The following KIAA0825 variants were observed in gnomAD, a reference collection of about 807,000 sequenced individuals.
KIAA0825 encodes the protein uncharacterized protein KIAA0825.
A neutral mutation model predicts 147.6 loss-of-function variants in KIAA0825; 119 were observed. That is an observed-to-expected ratio of 0.81 (90% confidence interval 0.69 to 0.94). The LOEUF is 0.94. Among genes scored for constraint, KIAA0825 ranks in the 40% least tolerant of loss-of-function variants. The pLI is 0.00. For missense variants in KIAA0825, 1,381 were observed against 1,472.7 expected, an observed-to-expected ratio of 0.94 and a Z score of 1.02; for synonymous variants, 470 against 518.1, an observed-to-expected ratio of 0.91 and a Z score of 1.26.
intron 1 of KIAA0825, among the ~76,000 whole-genome samples, chr5:94,614,899 C>A (rs1261933873): frequency 6.6e-6 from 1 of 151,996 alleles, no homozygotes; most frequent in Admixed American, 6.6e-5. Flanking sequence ...CAAGACTGAG[C>A]AAGAAAAAGA....
rs1235308346 is a variant in KIAA0825 at position 94,386,314 on chromosome 5, C to T, written c.3547G>A (p.Glu1183Lys). 2 of 1,551,578 alleles carry T rather than the reference C, an allele frequency of 1.3e-6. No individual in the cohort carries two copies. The highest frequency in any genetic ancestry group is 3.9e-5 in the Admixed American group (2 of 50,994). Reference protein sequence around the residue: ...RPLKTTLRSIEDQPSAFNPFH... With the variant: ...RPLKTTLRSIKDQPSAFNPFH... ...GGGTTAAAGGCAGAAGGCTGATCTT[C>T]TATACTCCTCAAGGTCGTCTTTAAA... Residue 1183 changes from glutamate to lysine, a missense_variant, in exon 19 of 21, where the codon GAA becomes AAA. By Grantham distance (56) the Glu-to-Lys change is moderately conservative. Transcript: ENST00000682413.
intron 14 of KIAA0825, among the ~76,000 whole-genome samples, chr5:94,420,225 C>A (rs75490335): frequency 0.1 from 15,354 of 151,940 alleles, 1,115 homozygotes; most frequent in African/African-American, 0.21. Context: ...TACAGCCCTG[C>A]AAATCATGCA....
At chr5:94,563,016 C>T (rs1777825532) in intron 2 of KIAA0825, among the ~76,000 whole-genome samples, 1 of 152,010 alleles carries the variant, frequency 6.6e-6, no homozygotes, top group Admixed American at 6.6e-5. Flanking sequence ...TATTGAGAAA[C>T]AGGTTCTAAG....
chr5:94,312,753 G>A (rs1779301023), intron 20 of KIAA0825, among the ~76,000 whole-genome samples: 1 of 151,588 alleles, frequency 6.6e-6, no homozygotes, highest in Non-Finnish European at 1.5e-5. Context: ...GTTTTTCAAT[G>A]TTATTTTAAA....
chr5:94,297,125 T>C (rs1234360727), intron 20 of KIAA0825, among the ~76,000 whole-genome samples: 1 of 152,190 alleles, frequency 6.6e-6, no homozygotes, highest in Non-Finnish European at 1.5e-5. Context: ...TTAATGTTAT[T>C]TCATCAGCCC....
intron 20 of KIAA0825, among the ~76,000 whole-genome samples, chr5:94,239,191 T>A (rs1775221207): frequency 6.6e-6 from 1 of 152,184 alleles, no homozygotes; most frequent in Non-Finnish European, 1.5e-5. Flanking sequence ...ACAATTTGTA[T>A]CTTTGAAGGA....
intron 20 of KIAA0825, among the ~76,000 whole-genome samples, chr5:94,303,353 C>G (rs1483253243): frequency 6.6e-6 from 1 of 151,894 alleles, no homozygotes; most frequent in Admixed American, 6.6e-5. Context: ...ACATATATTA[C>G]TATATTCAGT....
intron 20 of KIAA0825, among the ~76,000 whole-genome samples, chr5:94,365,980 A>C (rs1014503089): frequency 2.0e-5 from 3 of 152,170 alleles, no homozygotes; most frequent in Non-Finnish European, 4.4e-5. Context: ...CCAGATTGAT[A>C]AACTGGCTCA....
At chr5:94,545,246 T>G (rs1002108750) in intron 2 of KIAA0825, among the ~76,000 whole-genome samples, 3 of 152,086 alleles carry the variant, frequency 2.0e-5, no homozygotes, top group Non-Finnish European at 4.4e-5. Context: ...CAGGCTGCGG[T>G]GCTCTGGGGT....
chr5:94,384,427 C>T lies in KIAA0825; in HGVS notation c.3651G>A (p.Lys1217=). Residue 1217 remains lysine (K), a synonymous_variant, in exon 20 of 21, where the codon AAG becomes AAA. Coordinates refer to ENST00000682413, the MANE Select transcript of KIAA0825 (RefSeq NM_001145678.3). ...SITKWNWNWA[K]LLPNYLRLDK... is the part of the protein sequence containing the mutation. ...CCAGTCTCAGATAATTTGGCAGCAA[C>T]TTTGCCCAATTCCAGTTCCATTTTG... 6.4e-7 allele frequency: 1 copy of T among 1,551,882 alleles called. No individual in the cohort carries two copies. Among genetic ancestry groups the T allele is most frequent in the Non-Finnish European group, 8.7e-7 (1 of 1,146,930 alleles).
chr5:94,406,751 T>C (rs1400652824), intron 15 of KIAA0825, among the ~76,000 whole-genome samples: 2 of 152,216 alleles, frequency 1.3e-5, no homozygotes, highest in African/African-American at 4.8e-5. Context: ...CAGCAAGTTC[T>C]ACTATGGCCT....
intron 20 of KIAA0825, among the ~76,000 whole-genome samples, chr5:94,304,881 A>G (rs1778628355): frequency 1.3e-5 from 2 of 152,060 alleles, no homozygotes; most frequent in Non-Finnish European, 2.9e-5. Flanking sequence ...AAATGAAACT[A>G]CATTTGTTAT....
rs192146356 is a variant in KIAA0825, at chr5:94,344,756, G to A, written c.3710+39612C>T. Among the ~76,000 whole-genome samples, 35 of 152,280 alleles carry A rather than the reference G, an allele frequency of 2.3e-4. No individual in the cohort carries two copies. In the South Asian group the frequency reaches 3.9e-3, roughly 17 times the overall value. On this transcript the variant is annotated intron_variant, in intron 20 of 20. Coordinates refer to ENST00000682413, the MANE Select transcript of KIAA0825 (RefSeq NM_001145678.3). ...TTTAAAAGGAAGGAAACCCTGGCAG[G>A]TGCTACAACATGGATGTACCTTGAA... is the stretch of plus-strand genomic sequence containing the variant.
chr5:94,247,595 A>G (rs1775695799), intron 20 of KIAA0825, among the ~76,000 whole-genome samples: 1 of 152,096 alleles, frequency 6.6e-6, no homozygotes, highest in Admixed American at 6.6e-5. Context: ...AAATATCTGC[A>G]CTTCCCTTTA....
intron 20 of KIAA0825, among the ~76,000 whole-genome samples, chr5:94,188,491 T>C (rs1291940405): frequency 6.6e-6 from 1 of 152,172 alleles, no homozygotes; most frequent in Non-Finnish European, 1.5e-5. Context: ...TCATTATAGT[T>C]TTGCTTTTTC....
At chr5:94,496,904 T>A (rs1315484693) in intron 5 of KIAA0825, among the ~76,000 whole-genome samples, 1 of 152,178 alleles carries the variant, frequency 6.6e-6, no homozygotes, top group East Asian at 1.9e-4. Flanking sequence ...TCCAGCCCAC[T>A]GTCACCGGAC....
At chr5:94,246,955 G>C (rs1775657421) in intron 20 of KIAA0825, among the ~76,000 whole-genome samples, 2 of 152,146 alleles carry the variant, frequency 1.3e-5, no homozygotes, top group South Asian at 4.1e-4. Flanking sequence ...AAAGTGGAAG[G>C]AATTTGGTCG....
chr5:94,446,874 G>A (rs1331719740), intron 13 of KIAA0825, among the ~76,000 whole-genome samples: 2 of 152,142 alleles, frequency 1.3e-5, no homozygotes, highest in Non-Finnish European at 2.9e-5. Flanking sequence ...GTGGTCACTG[G>A]AGTAGTTAAG....
rs188015046 is a variant in KIAA0825 at position 94,363,411 on chromosome 5, G to A, written c.3710+20957C>T. ...TCCTGTCTTTTTCTCTTAAAACTCC[G>A]GAATGAGGACAATGTTAAGGTTTAA... On this transcript the variant is annotated intron_variant, in intron 20 of 20. Transcript: ENST00000682413. 2.6e-3 allele frequency among the ~76,000 whole-genome samples: 394 copies of A among 151,962 alleles called. 1 individual carries two copies. Among genetic ancestry groups the A allele is most frequent in the Non-Finnish European group, 4.2e-3 (288 of 67,994 alleles).
Sources: allele counts gnomAD v4.1 joint callset (sites outside exome capture counted in the v4.1 genomes callset), GRCh38; gene constraint gnomAD v4.1.1; transcripts MANE v1.5; gene names NCBI Gene and HGNC (gene_info 2026-07-23, HGNC 2026-07-21).